POU2F2: variants seen among roughly 807,000 people sequenced by gnomAD.
POU2F2 encodes the protein POU domain, class 2, transcription factor 2.
In POU2F2, 14 loss-of-function variants were observed where a neutral mutation model predicts 63.5. That is an observed-to-expected ratio of 0.22 (90% CI 0.15 to 0.34). The LOEUF is 0.34. Among genes scored for constraint, POU2F2 ranks in the 10% least tolerant of loss-of-function variants. The probability of loss-of-function intolerance (pLI) is 1.00; values close to 1 mark genes in which losing one functional copy is unlikely to be tolerated. For missense variants in POU2F2, 607 were observed against 815.2 expected, an observed-to-expected ratio of 0.74 and a Z score of 3.11; for synonymous variants, 306 against 348.6, an observed-to-expected ratio of 0.88 and a Z score of 1.36.
rs549089308 is a variant in POU2F2 at position 42,174,036 on chromosome 19, G to A, written c.-70+1927C>T. Among the ~76,000 whole-genome samples, 348 of 152,226 alleles carry A rather than the reference G, an allele frequency of 2.3e-3. 1 individual carries two copies. Among genetic ancestry groups the A allele is most frequent in the African/African-American group, 8.1e-3 (335 of 41,530 alleles). ...TTTTCATGGGCTGATAGACTGTGGGGAGAGGGGATCTTTTCTTGTTTTGTT... is the reference window on the plus strand; with the variant it reads ...TTTTCATGGGCTGATAGACTGTGGGAAGAGGGGATCTTTTCTTGTTTTGTT... On this transcript the variant is annotated intron_variant, in intron 1 of 6. Coordinates refer to the POU2F2 transcript ENST00000524801.
At chr19:42,106,017 TTC>T (rs886157046) in intron 5 of POU2F2, among the ~76,000 whole-genome samples, 1 of 146,980 alleles carries the variant, frequency 6.8e-6, no homozygotes, top group Admixed American at 6.7e-5. Flanking sequence ...CTTTCTTTCT[TTC>T]TTTCTTTCTT....
intron 5 of POU2F2, among the ~76,000 whole-genome samples, chr19:42,116,349 ACC>A (rs2031856118): frequency 1.3e-5 from 2 of 152,050 alleles, no homozygotes; most frequent in South Asian, 4.1e-4. Context: ...TTTGTTTTGT[ACC>A]CACATGGTAC....
chr19:42,096,118 G>C lies in POU2F2; in HGVS notation c.693C>G (p.Thr231=). Residue 231 remains threonine (T), a synonymous_variant, in exon 8 of 15, where the codon ACC becomes ACG. Coordinates refer to ENST00000692977, the MANE Select transcript of POU2F2 (RefSeq NM_001394376.1). This position sits in a 1 kb window ranked among gnomAD's most constrained non-coding sequence, Gnocchi z 4.1. ...DLEELEQFAR[T]FKQRRIKLGF... Reference sequence around the variant, plus strand: ...CCAGCTTGATGCGGCGTTGCTTGAAGGTGCGGGCGAATTGCTCCAGCTCCT... The same window carrying C: ...CCAGCTTGATGCGGCGTTGCTTGAACGTGCGGGCGAATTGCTCCAGCTCCT... 6.2e-7 allele frequency: 1 copy of C among 1,613,826 alleles called. No homozygotes were observed. Among genetic ancestry groups the C allele is most frequent in the Non-Finnish European group, 8.5e-7 (1 of 1,179,850 alleles).
At chr19:42,132,233 G>A (rs1055711525) in intron 1 of POU2F2, 151 bp downstream of exon 1, 4 of 821,820 alleles carry the variant, frequency 4.9e-6, no homozygotes, top group African/African-American at 3.7e-5. Flanking sequence ...GGGGGTTAGC[G>A]GGGACCCGGC....
rs749676363 is a variant in POU2F2, at chr19:42,091,916, G to A, written c.1491C>T (p.Ser497=). 79 of 1,540,954 alleles carry A rather than the reference G, an allele frequency of 5.1e-5. No homozygotes were observed. In the East Asian group the frequency reaches 7.3e-4, roughly 14 times the overall value. The change falls in exon 14 of 15, where the codon TCC becomes TCT. Residue 497 remains serine (S), a synonymous_variant. Coordinates refer to ENST00000692977, the MANE Select transcript of POU2F2 (RefSeq NM_001394376.1). ...STGSTMVGLS[S]GLSPALMSNN... is the part of the protein sequence containing the mutation. Reference sequence around the variant, plus strand: ...TGCTCATGAGGGCTGGACTCAGCCCGGAGCTCAACCCCACCATTGTGCTTC... The same window carrying A: ...TGCTCATGAGGGCTGGACTCAGCCCAGAGCTCAACCCCACCATTGTGCTTC...
intron 1 of POU2F2, among the ~76,000 whole-genome samples, chr19:42,164,357 A>G (rs2034609107): frequency 6.6e-6 from 1 of 151,852 alleles, no homozygotes; most frequent in African/African-American, 2.4e-5. Context: ...TTGGGAGGCC[A>G]AGGCAGGCGG....
intron 1 of POU2F2, among the ~76,000 whole-genome samples, chr19:42,125,422 G>A (rs1287193658): frequency 1.3e-5 from 2 of 151,922 alleles, no homozygotes; most frequent in South Asian, 2.1e-4. Context: ...TGCCCAGGAC[G>A]CTACCAGAGT....
upstream of POU2F2, chr19:42,136,539 GAGGAGGTAA>G (rs2034016876): frequency 6.6e-6 from 1 of 152,194 alleles, no homozygotes; most frequent in Non-Finnish European, 1.5e-5. Context: ...ATGACAGTCT[GAGGAGGTAA>G]AGGTCTGCTA....
Position 42,087,126 on chromosome 19 carries a change from A to T in POU2F2, c.*4131T>A, listed in dbSNP as rs1599889359. The T allele has an allele frequency of 7.4e-6, 1 of 134,348 alleles. No homozygotes were observed. 8.3% of individuals were successfully genotyped at this position (134,348 alleles called of 1,614,324 possible). On this transcript the variant is annotated 3_prime_UTR_variant, in exon 15 of 15. Transcript: ENST00000692977. ...TTTCCAACATATAAAAAGGTAGCGG[A>T]GTTGTCTGTGGGTTTTTTTTTTTTT...
chr19:42,098,401 A>G (rs1188945002), intron 7 of POU2F2, among the ~76,000 whole-genome samples: 1 of 147,894 alleles, frequency 6.8e-6, no homozygotes, highest in African/African-American at 2.5e-5. Flanking sequence ...CAACAGAGCG[A>G]GACTCCATCT....
At chr19:42,176,481 C>CTCGCTCCT (rs1251773435), upstream of POU2F2, among the ~76,000 whole-genome samples, 4 of 152,124 alleles carry the variant, frequency 2.6e-5, no homozygotes, top group Non-Finnish European at 5.9e-5. Context: ...TGCCTCGGCT[C>CTCGCTCCT]TCGCTCCTCC....
At chr19:42,134,219 G>GT (rs903731273), upstream of POU2F2, among the ~76,000 whole-genome samples, 17 of 149,988 alleles carry the variant, frequency 1.1e-4, no homozygotes, top group Non-Finnish European at 2.2e-4. Flanking sequence ...ACATTATGGG[G>GT]GGGGGCAAAA....
rs906206793 is a variant in POU2F2, at chr19:42,162,700, ACTGTGAG to A, written c.-69-2315_-69-2309del. ...GGTCAGTTTGCCATGTACATGGCAG[ACTGTGAG>A]CTCCTTGAGGGCAAGGCAGGGCCTG... On this transcript the variant is annotated intron_variant, in intron 1 of 6. Coordinates refer to the POU2F2 transcript ENST00000524801. The surrounding 1 kb of genome is among the most constrained non-coding windows in gnomAD (Gnocchi z 4.1). Among the ~76,000 whole-genome samples, 16 of 152,120 alleles carry A rather than the reference ACTGTGAG, an allele frequency of 1.1e-4. No individual in the cohort carries two copies. The highest frequency in any genetic ancestry group is 1.9e-4 in the Non-Finnish European group (13 of 68,014).
At chr19:42,176,839 A>G (rs1599722063), upstream of POU2F2, among the ~76,000 whole-genome samples, 3 of 151,612 alleles carry the variant, frequency 2.0e-5, no homozygotes, top group East Asian at 5.8e-4. Context: ...CGCGGTGCGG[A>G]GTGAGCGGCG....
At chr19:42,108,412 G>A (rs1394695823) in intron 5 of POU2F2, among the ~76,000 whole-genome samples, 3 of 151,916 alleles carry the variant, frequency 2.0e-5, no homozygotes, top group Non-Finnish European at 2.9e-5. Context: ...GCAACATGAC[G>A]GGGTCTCTAC....
chr19:42,183,944 C>A (rs2034988495), intron 1 of POU2F2, among the ~76,000 whole-genome samples: 1 of 151,612 alleles, frequency 6.6e-6, no homozygotes, highest in Admixed American at 6.6e-5. Context: ...ATAAAACCCA[C>A]CTGCACCTGA....
chr19:42,109,700 C>T (rs144416474), intron 5 of POU2F2, among the ~76,000 whole-genome samples: 41 of 152,154 alleles, frequency 2.7e-4, no homozygotes, highest in African/African-American at 8.4e-4. Context: ...GAGTGCAGTG[C>T]GTGATTATAG....
upstream of POU2F2, among the ~76,000 whole-genome samples, chr19:42,179,855 G>C (rs1215508753): frequency 6.6e-6 from 1 of 152,162 alleles, no homozygotes; most frequent in African/African-American, 2.4e-5. Flanking sequence ...TCCCTGTACG[G>C]AGCAGCCTCC....
chr19:42,113,965 G>A (rs1027493449), intron 5 of POU2F2, among the ~76,000 whole-genome samples: 10 of 152,158 alleles, frequency 6.6e-5, no homozygotes, highest in African/African-American at 2.4e-4. Flanking sequence ...GACGTCAAAG[G>A]GCAACTCAGT....
Sources: gnomAD v4.1 joint callset for allele counts (sites outside exome capture counted in the v4.1 genomes callset) on GRCh38, gnomAD v4.1.1 for gene constraint, Gnocchi (gnomAD v3.1) non-coding constraint, MANE v1.5 for transcripts, NCBI Gene and HGNC (gene_info 2026-07-23, HGNC 2026-07-21) for gene names.